The following NLRP5 variants were observed in gnomAD, a reference collection of about 807,000 sequenced individuals.
NLRP5 encodes NLR family pyrin domain containing 5.
In NLRP5, 93 loss-of-function variants were observed where a neutral mutation model predicts 113.1. The observed-to-expected ratio is 0.82, with a 90% CI of 0.70 to 0.98. The LOEUF is 0.98. Among genes scored for constraint, NLRP5 ranks in the 50% least tolerant of loss-of-function variants. The probability of loss-of-function intolerance (pLI) is 0.00; values close to 1 mark genes in which losing one functional copy is unlikely to be tolerated. For missense variants in NLRP5, 1,808 were observed against 1,514.3 expected (o/e 1.19, Z -3.22); for synonymous variants, 751 against 600.7 (o/e 1.25, Z -3.66).
At chr19:55,998,743 T>TAC (rs549031262), upstream of NLRP5, among the ~76,000 whole-genome samples, 18 of 145,334 alleles carry the variant, frequency 1.2e-4, no homozygotes, top group African/African-American at 3.4e-4. Context: ...TATATATATA[T>TAC]ACACACACTT....
At chr19:55,999,216 T>TTTC (rs1568478619), upstream of NLRP5, among the ~76,000 whole-genome samples, 1 of 145,430 alleles carries the variant, frequency 6.9e-6, no homozygotes, top group East Asian at 2.0e-4. Context: ...CTTTTTCTTT[T>TTTC]TTTTTTTTTT....
chr19:56,061,700 C>G lies in NLRP5; in HGVS notation c.*172C>G. 4.1e-6 allele frequency: 3 copies of G among 723,238 alleles called. No homozygotes were observed. In the South Asian group the frequency reaches 5.7e-5, roughly 14 times the overall value. The allele number at this position is 723,238 out of a possible 1,614,324, so 44.8% of individuals were successfully genotyped here. On this transcript the variant is annotated 3_prime_UTR_variant, in exon 15 of 15. Transcript: ENST00000390649. ...TTCTGTGTTCACTCTACGTTGGTTA[C>G]TGGATTTGAAGGCTAGAGACCTTCA...
In NLRP5 at chr19:56,050,518, G is replaced by A; in HGVS notation, c.3058G>A (p.Val1020Met). Reference sequence around the variant, plus strand: ...GCACCTGAGCCTTAGCATGAACCCTGTGGAAGACAATGGCGTGAAGCTTCT... The same window carrying A: ...GCACCTGAGCCTTAGCATGAACCCTATGGAAGACAATGGCGTGAAGCTTCT... Residue 1020 changes from valine to methionine, a missense_variant, in exon 12 of 15, where the codon GTG (valine) becomes ATG (methionine). Physicochemically the swap from Val to Met is conservative, Grantham distance 21 (BLOSUM62 1). Coordinates refer to ENST00000390649, the MANE Select transcript of NLRP5 (RefSeq NM_153447.4). 1 of 1,613,982 alleles carries A rather than the reference G, an allele frequency of 6.2e-7. No individual in the cohort carries two copies. The highest frequency in any genetic ancestry group is 8.5e-7 in the Non-Finnish European group (1 of 1,179,890).
chr19:56,018,800 T>G (rs927744804), intron 4 of NLRP5: 3 of 154,124 alleles, frequency 1.9e-5, no homozygotes, highest in African/African-American at 7.3e-5. Flanking sequence ...TAACTGTAGG[T>G]TTTGCCCCTC....
the NLRP5 span, chr19:55,987,760 C>T: frequency 7.7e-7 from 1 of 1,306,556 alleles, no homozygotes; most frequent in Non-Finnish European, 1.1e-6. Context: ...TTAGGGAAGT[C>T]ACTCATCCTC....
intron 3 of NLRP5, among the ~76,000 whole-genome samples, chr19:56,013,145 C>T (rs534398752): frequency 2.0e-5 from 3 of 152,216 alleles, no homozygotes; most frequent in East Asian, 3.9e-4. Context: ...AAATCAGACA[C>T]TTTGTTATAT....
intron 11 of NLRP5, among the ~76,000 whole-genome samples, chr19:56,044,144 A>G (rs1983635471): frequency 6.7e-6 from 1 of 150,008 alleles, no homozygotes; most frequent in East Asian, 2.0e-4. Context: ...GCTCACTGCA[A>G]CCTCCACCTC....
chr19:56,003,116 T>A (rs113433515), intron 1 of NLRP5, among the ~76,000 whole-genome samples: 22,612 of 150,398 alleles, frequency 0.15, 1,955 homozygotes, highest in East Asian at 0.31. Context: ...GTATATACCC[T>A]AAGGATTATA....
At chr19:56,047,404 C>T (rs1983768002) in intron 11 of NLRP5, among the ~76,000 whole-genome samples, 1 of 152,126 alleles carries the variant, frequency 6.6e-6, no homozygotes, top group Non-Finnish European at 1.5e-5. Flanking sequence ...ACTGCCTTTG[C>T]TGTATCCCAG....
intron 11 of NLRP5, among the ~76,000 whole-genome samples, chr19:56,047,520 C>A (rs1013919312): frequency 6.6e-6 from 1 of 152,066 alleles, no homozygotes; most frequent in African/African-American, 2.4e-5. Flanking sequence ...TTAATTTCCA[C>A]GTGTTTGCAT....
chr19:56,024,751 G>C (rs115507921), intron 6 of NLRP5, among the ~76,000 whole-genome samples: 1 of 148,696 alleles, frequency 6.7e-6, no homozygotes, highest in Non-Finnish European at 1.5e-5. Flanking sequence ...GACTGCAACT[G>C]TGTCTCAAAA....
chr19:56,041,439 C>T (rs541655785), intron 11 of NLRP5, among the ~76,000 whole-genome samples: 1 of 152,122 alleles, frequency 6.6e-6, no homozygotes, highest in African/African-American at 2.4e-5. Context: ...CCTCTAGTCA[C>T]GTTTTCATCA....
chr19:56,007,594 C>CT (rs142390303), intron 2 of NLRP5, among the ~76,000 whole-genome samples: 1,585 of 151,070 alleles, frequency 0.01, 57 homozygotes, highest in East Asian at 0.071. Flanking sequence ...GACGGAGGGA[C>CT]TAGAAGTCAG....
intron 6 of NLRP5, among the ~76,000 whole-genome samples, chr19:56,023,370 G>A (rs982383079): frequency 6.6e-6 from 1 of 152,164 alleles, no homozygotes; most frequent in Non-Finnish European, 1.5e-5. Context: ...TTTCAACACG[G>A]CTCTGTTAAC....
chr19:56,057,287 A>T (rs979369087), intron 13 of NLRP5, among the ~76,000 whole-genome samples: 5 of 152,226 alleles, frequency 3.3e-5, no homozygotes, highest in African/African-American at 7.2e-5. Flanking sequence ...ACCCCAAAAT[A>T]ACCAGCGTGC....
intron 4 of NLRP5, among the ~76,000 whole-genome samples, chr19:56,016,048 G>A (rs769053112): frequency 7.9e-5 from 12 of 152,240 alleles, no homozygotes; most frequent in Middle Eastern, 3.4e-3. Flanking sequence ...ATATACTTAT[G>A]GGGCGTGAGG....
At chr19:56,034,049 C>T (rs77294690) in intron 9 of NLRP5, among the ~76,000 whole-genome samples, 5,429 of 152,304 alleles carry the variant, frequency 0.036, 144 homozygotes, top group South Asian at 0.055. Context: ...GGATTATAGG[C>T]TTGAGCCACC....
intron 2 of NLRP5, among the ~76,000 whole-genome samples, chr19:56,005,554 T>G (rs1214077847): frequency 7.1e-6 from 1 of 140,590 alleles, no homozygotes; most frequent in Non-Finnish European, 1.5e-5. Context: ...GTGGCATGCC[T>G]GTACACACAT....
chr19:55,995,651 T>C (rs1471115385), upstream of NLRP5, among the ~76,000 whole-genome samples: 1 of 152,186 alleles, frequency 6.6e-6, no homozygotes, highest in Non-Finnish European at 1.5e-5. Context: ...TTGATAGGGA[T>C]TGCATTGAAT....
Sources: gnomAD v4.1 joint callset for allele counts (sites outside exome capture counted in the v4.1 genomes callset) on GRCh38, gnomAD v4.1.1 for gene constraint, MANE v1.5 for transcripts, NCBI Gene and HGNC (gene_info 2026-07-23, HGNC 2026-07-21) for gene names.